The following PRKDC variants were observed in gnomAD, a reference collection of about 807,000 sequenced individuals.
PRKDC encodes protein kinase, DNA-activated, catalytic subunit.
PRKDC carries 82 observed loss-of-function variants against 486.9 expected under a neutral mutation model. That is an observed-to-expected ratio of 0.17 (90% CI 0.14 to 0.20). PRKDC has a LOEUF of 0.20. Ranked by LOEUF, PRKDC falls within the 10% of genes least tolerant of loss-of-function variation. PRKDC has a pLI of 1.00. For synonymous variants in PRKDC, 1,895 were observed against 1,837.0 expected (o/e 1.03, Z -0.81); for missense variants, 4,504 against 5,038.2 (o/e 0.89, Z 3.21).
intron 77 of PRKDC, among the ~76,000 whole-genome samples, chr8:47,784,729 A>T (rs1281785406): frequency 3.3e-5 from 5 of 150,416 alleles, no homozygotes; most frequent in Admixed American, 3.3e-4. Flanking sequence ...AAAACTTGTC[A>T]CTTTAAATGG....
chr8:47,950,452 C>T (rs904682332), intron 7 of PRKDC, among the ~76,000 whole-genome samples: 2 of 150,924 alleles, frequency 1.3e-5, no homozygotes, highest in African/African-American at 4.9e-5. Context: ...GGTGAAACCC[C>T]GTCTCTGCTA....
At chr8:47,780,664 G>A (rs1589690632) in intron 80 of PRKDC, among the ~76,000 whole-genome samples, 1 of 152,162 alleles carries the variant, frequency 6.6e-6, no homozygotes, top group African/African-American at 2.4e-5. Context: ...TGTAGGCCGG[G>A]CGCAGTGGCT....
chr8:47,893,253 G>C lies in PRKDC; in HGVS notation c.3733C>G (p.Arg1245Gly). The C allele has an allele frequency of 5.6e-6, 9 of 1,612,338 alleles. No homozygotes were observed. The highest frequency in any genetic ancestry group is 6.8e-6 in the Non-Finnish European group (8 of 1,179,088). The change falls in exon 31 of 86, where the codon CGG (arginine) becomes GGG (glycine). Residue 1245 changes from arginine (R) to glycine (G), a missense_variant. Transcript: ENST00000314191. ...ILAQPTLLYL[R>G]GPFSLQATLC... is the part of the protein sequence containing the mutation. ...GTGGCCTGCAGGCTGAATGGCCCCC[G>C]AAGGTACAAGAGGGTGGGCTGGGCC...
chr8:47,798,501 G>C (rs2087027159), intron 72 of PRKDC, 104 bp from the exon 73 acceptor site: 1 of 1,237,134 alleles, frequency 8.1e-7, no homozygotes, highest in African/African-American at 1.5e-5. Flanking sequence ...GTATTTTGTA[G>C]TGTCATTGTT....
chr8:47,799,125 CAAAG>C, intron 72 of PRKDC, 81 bp downstream of exon 72: 2 of 1,496,144 alleles, frequency 1.3e-6, no homozygotes, highest in South Asian at 1.2e-5. Context: ...TGAAAACAAA[CAAAG>C]AGGAGACCAA....
intron 74 of PRKDC, among the ~76,000 whole-genome samples, chr8:47,791,918 C>T (rs1324694558): frequency 6.6e-6 from 1 of 152,112 alleles, no homozygotes; most frequent in Non-Finnish European, 1.5e-5. Flanking sequence ...GCACTATTCA[C>T]AACGGCCAAA....
intron 26 of PRKDC, among the ~76,000 whole-genome samples, chr8:47,903,574 G>A (rs2089723972): frequency 1.3e-5 from 2 of 152,166 alleles, no homozygotes; most frequent in Admixed American, 1.3e-4. Context: ...GGTCACCAGC[G>A]CCAAGTGGTG....
At chr8:47,949,609 G>A (rs1280547390) in intron 7 of PRKDC, among the ~76,000 whole-genome samples, 2 of 152,168 alleles carry the variant, frequency 1.3e-5, no homozygotes, top group Non-Finnish European at 2.9e-5. Context: ...TTAAACATAT[G>A]ACCTAACAAA....
At chr8:47,900,302 C>A (rs577872061) in intron 28 of PRKDC, 71 bp downstream of exon 28, 2 of 1,085,744 alleles carry the variant, frequency 1.8e-6, no homozygotes, top group Admixed American at 3.5e-5. Flanking sequence ...GAGAATCACA[C>A]GAGCCTTAAC....
intron 25 of PRKDC, among the ~76,000 whole-genome samples, chr8:47,912,134 C>T (rs1436130062): frequency 6.6e-6 from 1 of 152,128 alleles, no homozygotes; most frequent in East Asian, 1.9e-4. Context: ...GGGGTGACAG[C>T]TAATTCACCT....
Position 47,859,666 on chromosome 8 carries a change from C to T in PRKDC, c.6152G>A (p.Ser2051Asn), listed in dbSNP as rs762428791. ...SQFDFSTGVQ[S>N]YSYSSQDPRP... Reference sequence around the variant, plus strand: ...AGGGTCTTGGGAGCTGTATGAATAGCTCTGAACTCCGGTTGAGAAATCAAA... The same window carrying T: ...AGGGTCTTGGGAGCTGTATGAATAGTTCTGAACTCCGGTTGAGAAATCAAA... The change falls in exon 46 of 86, where the codon AGC becomes AAC. Residue 2051 changes from serine (S) to asparagine (N), a missense_variant. Coordinates refer to ENST00000314191, the MANE Select transcript of PRKDC (RefSeq NM_006904.7). The T allele has an allele frequency of 2.5e-6, 4 of 1,613,842 alleles. No homozygotes were observed. Among genetic ancestry groups the T allele is most frequent in the East Asian group, 4.5e-5 (2 of 44,892 alleles).
intron 30 of PRKDC, among the ~76,000 whole-genome samples, chr8:47,894,869 G>C (rs1232201783): frequency 6.6e-6 from 1 of 152,178 alleles, no homozygotes; most frequent in Non-Finnish European, 1.5e-5. Context: ...CAGGACTCAA[G>C]ACTAGCCTGG....
chr8:47,821,193 T>A (rs932477964), intron 65 of PRKDC, among the ~76,000 whole-genome samples: 1 of 152,126 alleles, frequency 6.6e-6, no homozygotes, highest in African/African-American at 2.4e-5. Context: ...GGCTGGAAGA[T>A]GATTTGGATG....
In PRKDC at chr8:47,773,769, C is replaced by T. The variant is rs948263315; in HGVS notation, c.*404G>A. The T allele has an allele frequency of 8.4e-6, 2 of 238,520 alleles. No homozygotes were observed. Among genetic ancestry groups the T allele is most frequent in the African/African-American group, 2.2e-5 (1 of 45,410 alleles). The allele number at this position is 238,520 out of a possible 1,614,324, so 14.8% of individuals were successfully genotyped here. A position where few individuals can be genotyped will look rare whatever the true frequency, so the allele number is the denominator to read the frequency against. On this transcript the variant is annotated 3_prime_UTR_variant, in exon 86 of 86. Transcript: ENST00000314191. ...TCTCCCAAAATCTTGGTGATGAAGCCTTCTGAGTGTGCTTTCCAATGTGCC... is the reference window on the plus strand; with the variant it reads ...TCTCCCAAAATCTTGGTGATGAAGCTTTCTGAGTGTGCTTTCCAATGTGCC...
intron 55 of PRKDC, among the ~76,000 whole-genome samples, chr8:47,839,481 C>A (rs781493593): frequency 6.6e-6 from 1 of 152,172 alleles, no homozygotes; most frequent in Non-Finnish European, 1.5e-5. Flanking sequence ...GGAGGCCCAG[C>A]GGTCCTGTGA....
chr8:47,839,891 CTG>C, intron 55 of PRKDC, 123 bp downstream of exon 55: 1 of 676,618 alleles, frequency 1.5e-6, no homozygotes, highest in Non-Finnish European at 2.3e-6. Flanking sequence ...GAAGGATCAA[CTG>C]AGCCCAGGAG....
chr8:47,890,340 A>T lies in PRKDC; in HGVS notation c.3988T>A (p.Tyr1330Asn). The T allele has an allele frequency of 1.9e-6, 3 of 1,613,518 alleles. No homozygotes were observed. The highest frequency in any genetic ancestry group is 2.5e-6 in the Non-Finnish European group (3 of 1,179,782). ...NRTSPQEGER[Y>N]NYSKCTVVVR... ...ACAACGGTGCATTTGCTGTAGTTGT[A>T]CCTTTCTCCCTCTTGTGGGCTTGTT... The change falls in exon 32 of 86, where the codon TAC (tyrosine) becomes AAC (asparagine). Residue 1330 changes from tyrosine (Y) to asparagine (N), a missense_variant. Tyr to Asn is a moderately radical substitution (Grantham distance 143). Transcript: ENST00000314191.
At chr8:47,795,953 G>A (rs1451137461) in intron 73 of PRKDC, among the ~76,000 whole-genome samples, 1 of 151,200 alleles carries the variant, frequency 6.6e-6, no homozygotes, top group Non-Finnish European at 1.5e-5. Flanking sequence ...GGAGTGCAGT[G>A]GCGCCATCTC....
chr8:47,873,984 ATTTT>A (rs1200890690), intron 40 of PRKDC, among the ~76,000 whole-genome samples: 10 of 130,128 alleles, frequency 7.7e-5, no homozygotes, highest in African/African-American at 2.3e-4. Flanking sequence ...GTATTTTGCT[ATTTT>A]TTTTTTTTTT....
Sources: allele counts gnomAD v4.1 joint callset (sites outside exome capture counted in the v4.1 genomes callset), GRCh38; gene constraint gnomAD v4.1.1; transcripts MANE v1.5; gene names NCBI Gene and HGNC (gene_info 2026-07-23, HGNC 2026-07-21).